The following IL1RL2 variants were observed in gnomAD, a reference collection of about 807,000 sequenced individuals.
IL1RL2 encodes interleukin-1 receptor-like 2.
Under a neutral mutation model 66.8 loss-of-function variants are expected in IL1RL2, and 68 were observed. That is an observed-to-expected ratio of 1.02 (90% CI 0.84 to 1.25). IL1RL2 has a LOEUF of 1.25. Ranked by LOEUF, IL1RL2 falls within the 50% of genes most tolerant of loss-of-function variation. The pLI is 0.00. For synonymous variants in IL1RL2, 305 were observed against 264.6 expected (o/e 1.15, Z -1.48); for missense variants, 729 against 709.3 (o/e 1.03, Z -0.32).
chr2:102,222,843 C>T (rs1348197086), intron 8 of IL1RL2, among the ~76,000 whole-genome samples: 2 of 152,192 alleles, frequency 1.3e-5, no homozygotes, highest in East Asian at 3.8e-4. Context: ...TGTAAGAAGC[C>T]TTGGAGAGTC....
At chr2:102,223,626 G>A (rs1690340247) in intron 8 of IL1RL2, among the ~76,000 whole-genome samples, 1 of 152,100 alleles carries the variant, frequency 6.6e-6, no homozygotes, top group Non-Finnish European at 1.5e-5. Flanking sequence ...CAGTACTCTC[G>A]AAGGCAATGA....
chr2:102,224,167 C>A (rs1360658507), intron 8 of IL1RL2, among the ~76,000 whole-genome samples: 1 of 152,018 alleles, frequency 6.6e-6, no homozygotes, highest in Non-Finnish European at 1.5e-5. Flanking sequence ...AGTGGTTCCT[C>A]AAAAAACTAA....
downstream of IL1RL2, among the ~76,000 whole-genome samples, chr2:102,240,582 A>C (rs1675203232): frequency 6.6e-6 from 1 of 152,104 alleles, no homozygotes; most frequent in South Asian, 2.1e-4. Context: ...AGTCTAGCTC[A>C]ATTTTTCAAA....
At chr2:102,221,225 C>A (rs945037002) in intron 8 of IL1RL2, among the ~76,000 whole-genome samples, 17 of 152,156 alleles carry the variant, frequency 1.1e-4, no homozygotes, top group Non-Finnish European at 1.0e-4. Flanking sequence ...CTTGTGTTTG[C>A]CATCTCTCTC....
At chr2:102,236,131 G>T (rs145078627) in intron 11 of IL1RL2, among the ~76,000 whole-genome samples, 38 of 152,292 alleles carry the variant, frequency 2.5e-4, no homozygotes, top group African/African-American at 8.2e-4. Context: ...AATGATTAAA[G>T]GTTTTTAATA....
intron 4 of IL1RL2, among the ~76,000 whole-genome samples, chr2:102,199,279 A>T (rs994690901): frequency 1.3e-5 from 2 of 152,230 alleles, no homozygotes; most frequent in Non-Finnish European, 2.9e-5. Flanking sequence ...TCTCAAAAGA[A>T]AATCTGATTG....
At chr2:102,192,519 T>A (rs1687322850) in intron 4 of IL1RL2, among the ~76,000 whole-genome samples, 1 of 152,238 alleles carries the variant, frequency 6.6e-6, no homozygotes, top group African/African-American at 2.4e-5. Flanking sequence ...TCATCACACC[T>A]TCCTCAACTG....
intron 3 of IL1RL2, among the ~76,000 whole-genome samples, chr2:102,189,784 C>A (rs1025849338): frequency 3.9e-5 from 6 of 152,112 alleles, no homozygotes; most frequent in African/African-American, 9.7e-5. Context: ...TCCGAAGTAG[C>A]TGGGATTATA....
rs35591642 is a variant in IL1RL2 at position 102,232,653 on chromosome 2, C to T, written c.1136-310C>T. ...TTAATTCTCATTTCTGGCCACATCA[C>T]AGGGAGTGGTGGACTTAGACTCAAA... On this transcript the variant is annotated intron_variant, in intron 9 of 11. Transcript: ENST00000264257. Among the ~76,000 whole-genome samples the T allele has an allele frequency of 3.9e-3, 598 of 152,316 alleles. 9 individuals carry two copies. Among genetic ancestry groups the T allele is most frequent in the African/African-American group, 0.014 (577 of 41,560 alleles).
chr2:102,225,829 G>A, intron 8 of IL1RL2, 69 bp from the exon 9 acceptor site: 4 of 1,253,248 alleles, frequency 3.2e-6, no homozygotes, highest in Non-Finnish European at 4.3e-6. Flanking sequence ...TATTAGTAAA[G>A]TATATAATGG....
At chr2:102,197,732 T>C (rs898837143) in intron 4 of IL1RL2, among the ~76,000 whole-genome samples, 1 of 152,226 alleles carries the variant, frequency 6.6e-6, no homozygotes. Flanking sequence ...CCAGCAGCAT[T>C]GAAGTGTCCA....
intron 11 of IL1RL2, among the ~76,000 whole-genome samples, chr2:102,237,618 C>G (rs1050534501): frequency 6.6e-6 from 1 of 152,230 alleles, no homozygotes; most frequent in Non-Finnish European, 1.5e-5. Flanking sequence ...GGAATAACGA[C>G]TCTCATGTTG....
At chr2:102,236,455 G>A (rs1042775940) in intron 11 of IL1RL2, among the ~76,000 whole-genome samples, 1 of 152,198 alleles carries the variant, frequency 6.6e-6, no homozygotes, top group African/African-American at 2.4e-5. Context: ...ACCCACTCCT[G>A]TCTTTGAAGA....
At chr2:102,218,827 G>C (rs1559550970) in intron 6 of IL1RL2, 126 bp from the exon 7 acceptor site, 1 of 780,588 alleles carries the variant, frequency 1.3e-6, no homozygotes, top group Non-Finnish European at 2.0e-6. Context: ...TTTGCCTAGG[G>C]GGCTATTTCT....
chr2:102,240,809 C>T (rs1237088366), downstream of IL1RL2, among the ~76,000 whole-genome samples: 1 of 152,152 alleles, frequency 6.6e-6, no homozygotes, highest in East Asian at 1.9e-4. Context: ...TTTAAATGAC[C>T]ACAGGATAGT....
intron 8 of IL1RL2, among the ~76,000 whole-genome samples, chr2:102,224,207 C>T (rs13014004): frequency 0.15 from 22,311 of 152,080 alleles, 1,802 homozygotes; most frequent in African/African-American, 0.2. Flanking sequence ...TCCAGCAATC[C>T]TACTGCTGGT....
chr2:102,187,446 C>A, intron 1 of IL1RL2: 3 of 1,032,174 alleles, frequency 2.9e-6, no homozygotes, highest in Non-Finnish European at 3.6e-6. Context: ...AGGGGAGGCT[C>A]CGTGCGCCGC....
intron 6 of IL1RL2, among the ~76,000 whole-genome samples, chr2:102,215,645 C>T (rs555818412): frequency 8.3e-4 from 127 of 152,146 alleles, no homozygotes; most frequent in Non-Finnish European, 1.4e-3. Flanking sequence ...ACTGTGTGTG[C>T]ACACACACCC....
Position 102,239,439 on chromosome 2 carries a change from A to T in IL1RL2, c.*198A>T, listed in dbSNP as rs1182817248. Reference sequence around the variant, plus strand: ...GTCATGGTGGGTGAGAGCTGGGGCCATCCCCGTGGTCATGGAGGGTGAGAG... The same window carrying T: ...GTCATGGTGGGTGAGAGCTGGGGCCTTCCCCGTGGTCATGGAGGGTGAGAG... On this transcript the variant is annotated 3_prime_UTR_variant, in exon 12 of 12. Coordinates refer to ENST00000264257, the MANE Select transcript of IL1RL2 (RefSeq NM_003854.4). 2 of 546,106 alleles carry T rather than the reference A, an allele frequency of 3.7e-6. No individual in the cohort carries two copies. Among genetic ancestry groups the T allele is most frequent in the Non-Finnish European group, 6.8e-6 (2 of 295,036 alleles). The allele number at this position is 546,106 out of a possible 1,614,324, so 33.8% of individuals were successfully genotyped here.
Sources: allele counts gnomAD v4.1 joint callset (sites outside exome capture counted in the v4.1 genomes callset), GRCh38; gene constraint gnomAD v4.1.1; transcripts MANE v1.5; gene names NCBI Gene and HGNC (gene_info 2026-07-23, HGNC 2026-07-21).